PCCA: variants seen among roughly 807,000 people sequenced by gnomAD.
PCCA encodes the protein propionyl-CoA carboxylase alpha chain, mitochondrial.
PCCA carries 74 observed loss-of-function variants against 101.3 expected under a neutral mutation model. The ratio of observed to expected loss-of-function variants is 0.73; its 90% CI spans 0.61 to 0.89. PCCA has a LOEUF of 0.89. Ranked by LOEUF, PCCA falls within the 40% of genes least tolerant of loss-of-function variation. The probability of loss-of-function intolerance (pLI) is 0.00; values close to 1 mark genes in which losing one functional copy is unlikely to be tolerated. For missense variants in PCCA, 891 were observed against 907.0 expected (o/e 0.98, Z 0.23); for synonymous variants, 294 against 313.6 (o/e 0.94, Z 0.66).
intron 4 of PCCA, among the ~76,000 whole-genome samples, chr13:100,151,561 C>T (rs1191912736): frequency 6.6e-6 from 1 of 151,614 alleles, no homozygotes; most frequent in Non-Finnish European, 1.5e-5. Context: ...CATTGCACTC[C>T]AGCCTGGGCA....
intron 19 of PCCA, among the ~76,000 whole-genome samples, chr13:100,421,373 A>G (rs973644236): frequency 6.6e-6 from 1 of 152,170 alleles, no homozygotes; most frequent in African/African-American, 2.4e-5. Flanking sequence ...ACACACATGT[A>G]TAGTTATTTT....
At chr13:100,192,460 T>G (rs570408303) in intron 6 of PCCA, among the ~76,000 whole-genome samples, 1 of 152,282 alleles carries the variant, frequency 6.6e-6, no homozygotes, top group Admixed American at 6.5e-5. Context: ...ATCAAAGGCG[T>G]ATAAAATTGA....
At position 100,102,980 on chromosome 13, in the gene PCCA, T is replaced by A. The variant is rs1442350077; in HGVS notation, c.183+20T>A. 7.0e-7 allele frequency: 1 copy of A among 1,429,890 alleles called. No homozygotes were observed. The highest frequency in any genetic ancestry group is 9.9e-7 in the Non-Finnish European group (1 of 1,012,498). 88.6% of individuals were successfully genotyped at this position (1,429,890 alleles called of 1,614,324 possible). ...GAAAAAGTAAGTATTTAAAAGATAT[T>A]CTCAACAACTAAATTAAACTTATCA... is the stretch of plus-strand genomic sequence containing the variant. On this transcript the variant is annotated intron_variant, in intron 2 of 23. Coordinates refer to ENST00000376285, the MANE Select transcript of PCCA (RefSeq NM_000282.4).
chr13:100,336,029 G>A (rs892858418), intron 17 of PCCA, among the ~76,000 whole-genome samples: 1 of 152,162 alleles, frequency 6.6e-6, no homozygotes, highest in African/African-American at 2.4e-5. Flanking sequence ...CTGGGAGGCC[G>A]AGTGGGGCGG....
At chr13:100,402,682 A>G (rs1243714988) in intron 19 of PCCA, among the ~76,000 whole-genome samples, 1 of 152,184 alleles carries the variant, frequency 6.6e-6, no homozygotes, top group Admixed American at 6.5e-5. Context: ...AGAGCAAGGA[A>G]AGACCCAGCC....
chr13:100,308,478 C>T, intron 15 of PCCA, among the ~76,000 whole-genome samples: 1 of 151,974 alleles, frequency 6.6e-6, no homozygotes, highest in East Asian at 1.9e-4. Flanking sequence ...GTGTGTACTA[C>T]CATGCAGGGC....
At chr13:100,224,944 T>C (rs940524680) in intron 7 of PCCA, among the ~76,000 whole-genome samples, 1 of 152,160 alleles carries the variant, frequency 6.6e-6, no homozygotes, top group Non-Finnish European at 1.5e-5. Context: ...GATCCAGATA[T>C]GTATGGGCTG....
At chr13:100,415,737 A>T (rs1045194314) in intron 19 of PCCA, among the ~76,000 whole-genome samples, 2 of 152,240 alleles carry the variant, frequency 1.3e-5, no homozygotes, top group African/African-American at 4.8e-5. Flanking sequence ...AGAATGACTT[A>T]TGAGGTGAAT....
At chr13:100,466,775 A>G (rs1350739682) in intron 21 of PCCA, among the ~76,000 whole-genome samples, 3 of 152,074 alleles carry the variant, frequency 2.0e-5, no homozygotes, top group Non-Finnish European at 2.9e-5. Context: ...GGAGAATTGC[A>G]TGAACCCAGG....
intron 18 of PCCA, among the ~76,000 whole-genome samples, chr13:100,350,899 A>G (rs916821328): frequency 1.3e-5 from 2 of 152,238 alleles, no homozygotes; most frequent in African/African-American, 4.8e-5. Context: ...TTCCCAATTC[A>G]TTTTGGATTG....
rs531520479 is a variant in PCCA, at chr13:100,505,379, G to A, written c.1900-10048G>A. Among the ~76,000 whole-genome samples the A allele has an allele frequency of 5.3e-5, 8 of 152,312 alleles. No individual in the cohort carries two copies. In the South Asian group the frequency reaches 6.2e-4, roughly 12 times the overall value. On this transcript the variant is annotated intron_variant, in intron 21 of 23. Transcript: ENST00000376285. ...TTAACTGTCTAAGGAAAAGACAACCGTGGGGTCCCTCGCTGCATGCCTGGG... is the reference window on the plus strand; with the variant it reads ...TTAACTGTCTAAGGAAAAGACAACCATGGGGTCCCTCGCTGCATGCCTGGG...
At chr13:100,453,856 ATTTGT>A (rs1566350936) in intron 21 of PCCA, among the ~76,000 whole-genome samples, 4 of 152,022 alleles carry the variant, frequency 2.6e-5, no homozygotes, top group Non-Finnish European at 5.9e-5. Context: ...TGTCTTTTTG[ATTTGT>A]TTTGTTTTGT....
At chr13:100,409,829 A>G (rs1189765651) in intron 19 of PCCA, among the ~76,000 whole-genome samples, 4 of 152,152 alleles carry the variant, frequency 2.6e-5, no homozygotes, top group Admixed American at 6.5e-5. Context: ...GTGCAATGAC[A>G]TGATCTCAGC....
intron 21 of PCCA, among the ~76,000 whole-genome samples, chr13:100,482,713 C>T (rs540700090): frequency 6.6e-6 from 1 of 152,290 alleles, no homozygotes; most frequent in East Asian, 1.9e-4. Context: ...CTCAGCCTCC[C>T]GAGTTGCTGG....
intron 8 of PCCA, among the ~76,000 whole-genome samples, chr13:100,241,591 C>A (rs1034699958): frequency 3.3e-4 from 50 of 152,126 alleles, no homozygotes; most frequent in African/African-American, 1.1e-3. Context: ...CTGCCTTACC[C>A]TCCTGAGTAG....
At chr13:100,119,954 C>T (rs952890613) in intron 4 of PCCA, among the ~76,000 whole-genome samples, 1 of 152,084 alleles carries the variant, frequency 6.6e-6, no homozygotes, top group Non-Finnish European at 1.5e-5. Context: ...TCACTGCAAC[C>T]TCCATCTCCT....
intron 21 of PCCA, among the ~76,000 whole-genome samples, chr13:100,449,532 G>A (rs548434356): frequency 6.6e-6 from 1 of 152,294 alleles, no homozygotes; most frequent in South Asian, 2.1e-4. Flanking sequence ...TGTTGCCCAT[G>A]CTGGAGTATA....
intron 18 of PCCA, among the ~76,000 whole-genome samples, chr13:100,364,913 G>A (rs955605941): frequency 6.6e-6 from 1 of 152,108 alleles, no homozygotes; most frequent in Non-Finnish European, 1.5e-5. Context: ...AGACCTGGTG[G>A]TGGCGCACAC....
At chr13:100,259,069 CG>C (rs1400732285) in intron 9 of PCCA, among the ~76,000 whole-genome samples, 2 of 152,128 alleles carry the variant, frequency 1.3e-5, no homozygotes, top group African/African-American at 4.8e-5. Flanking sequence ...AGCCACTAAC[CG>C]TGAACACCAT....
Sources: allele counts gnomAD v4.1 joint callset (sites outside exome capture counted in the v4.1 genomes callset), GRCh38; gene constraint gnomAD v4.1.1; transcripts MANE v1.5; gene names NCBI Gene and HGNC (gene_info 2026-07-23, HGNC 2026-07-21).